The following NKAIN3 variants were observed in gnomAD, a reference collection of about 807,000 sequenced individuals.
NKAIN3 encodes the protein sodium/potassium transporting ATPase interacting 3, also known as sodium/potassium-transporting ATPase subunit beta-1-interacting protein 3.
Under a neutral mutation model 30.2 loss-of-function variants are expected in NKAIN3, and 25 were observed. The ratio of observed to expected loss-of-function variants is 0.83; its 90% CI spans 0.60 to 1.16. The LOEUF is 1.16. Ranked by LOEUF, NKAIN3 falls within the 50% of genes most tolerant of loss-of-function variation. NKAIN3 has a pLI of 0.00. For synonymous variants in NKAIN3, 91 were observed against 89.6 expected (o/e 1.02, Z -0.09); for missense variants, 225 against 254.1 (o/e 0.89, Z 0.78).
chr8:62,652,110 G>C (rs1812640063), intron 3 of NKAIN3, among the ~76,000 whole-genome samples: 1 of 152,020 alleles, frequency 6.6e-6, no homozygotes, highest in South Asian at 2.1e-4. Flanking sequence ...AAACCCATAG[G>C]GGGTCCATCT....
At chr8:62,897,022 AG>A (rs1821448354) in intron 4 of NKAIN3, among the ~76,000 whole-genome samples, 1 of 113,922 alleles carries the variant, frequency 8.8e-6, no homozygotes, top group African/African-American at 3.9e-5. Context: ...TTGTAAGATA[AG>A]GGAGAACTAC....
chr8:62,648,936 A>G (rs1812549153), intron 3 of NKAIN3, among the ~76,000 whole-genome samples: 1 of 152,070 alleles, frequency 6.6e-6, no homozygotes. Flanking sequence ...TGGCATCCGG[A>G]GCTGGAATTT....
In NKAIN3 at chr8:62,283,309, T is replaced by C. The variant is rs1813264863; in HGVS notation, c.54+34182T>C. On this transcript the variant is annotated intron_variant, in intron 1 of 6. Transcript: ENST00000623646. ...TTTTTTTTGAGTTTCTAAATATATT[T>C]GTGTCAATCCTGATGACAAACCCAT... is the stretch of plus-strand genomic sequence containing the variant. Among the ~76,000 whole-genome samples, 3 of 152,250 alleles carry C rather than the reference T, an allele frequency of 2.0e-5. No homozygotes were observed. In the South Asian group the frequency reaches 6.2e-4, roughly 32 times the overall value.
intron 1 of NKAIN3, among the ~76,000 whole-genome samples, chr8:62,265,161 C>G (rs1464563871): frequency 1.3e-5 from 2 of 152,104 alleles, no homozygotes; most frequent in Non-Finnish European, 2.9e-5. Flanking sequence ...CTGTCTACTG[C>G]CCAAATCATT....
intron 4 of NKAIN3, among the ~76,000 whole-genome samples, chr8:62,761,372 G>A (rs1816657530): frequency 6.6e-6 from 1 of 152,102 alleles, no homozygotes; most frequent in Non-Finnish European, 1.5e-5. Flanking sequence ...GGTCAGTTGT[G>A]CTCAGCTCAC....
intron 1 of NKAIN3, among the ~76,000 whole-genome samples, chr8:62,443,932 T>A (rs1805407028): frequency 6.6e-6 from 1 of 152,142 alleles, no homozygotes; most frequent in African/African-American, 2.4e-5. Context: ...ATTTCATTTA[T>A]ATAAAGCTCT....
chr8:62,761,818 T>A (rs17264551), intron 4 of NKAIN3, among the ~76,000 whole-genome samples: 1 of 152,182 alleles, frequency 6.6e-6, no homozygotes, highest in Non-Finnish European at 1.5e-5. Context: ...GCTTTTATGC[T>A]GCTTGCTAAT....
intron 4 of NKAIN3, among the ~76,000 whole-genome samples, chr8:62,846,507 T>C (rs1014096089): frequency 2.6e-5 from 4 of 152,014 alleles, no homozygotes; most frequent in African/African-American, 4.8e-5. Flanking sequence ...ACAGGTCCCA[T>C]GTATGTTATT....
At chr8:62,700,681 C>A (rs1383608199) in intron 3 of NKAIN3, among the ~76,000 whole-genome samples, 2 of 152,080 alleles carry the variant, frequency 1.3e-5, no homozygotes. Context: ...TGATTTGCAG[C>A]GAAGCTGTAT....
In NKAIN3 at chr8:62,564,408, G is replaced by A. The variant is rs146496848; in HGVS notation, c.55-15131G>A. On this transcript the variant is annotated intron_variant, in intron 1 of 6. Coordinates refer to ENST00000623646, the MANE Select transcript of NKAIN3 (RefSeq NM_001304533.3). ...GCAAGATCAAAACAGCTCCAAACCC[G>A]ACCAGGCATTTTTAAAGAATAATGC... 2.7e-3 allele frequency among the ~76,000 whole-genome samples: 413 copies of A among 152,094 alleles called. 2 individuals are homozygous for A. The highest frequency in any genetic ancestry group is 9.3e-3 in the African/African-American group (385 of 41,496).
At position 62,920,477 on chromosome 8, in the gene NKAIN3, T is replaced by C. The variant is rs143249871; in HGVS notation, c.532+1964T>C. On this transcript the variant is annotated intron_variant, in intron 5 of 6. Coordinates refer to ENST00000623646, the MANE Select transcript of NKAIN3 (RefSeq NM_001304533.3). ...AAGCTGGGAAATGCAAAATGGCATG[T>C]AAAATAAAAGACTCATCTAAATGGA... 2.1e-3 allele frequency among the ~76,000 whole-genome samples: 323 copies of C among 152,336 alleles called. 3 individuals carry two copies. The highest frequency in any genetic ancestry group is 6.8e-3 in the Middle Eastern group (2 of 294).
intron 1 of NKAIN3, among the ~76,000 whole-genome samples, chr8:62,560,531 CTTTTTTTTTTTT>C (rs869256384): frequency 8.8e-5 from 4 of 45,362 alleles, no homozygotes; most frequent in Non-Finnish European, 1.5e-4. Context: ...TTTTTCTTTT[CTTTTTTTTTTTT>C]TTTTTTTTTT....
intron 3 of NKAIN3, among the ~76,000 whole-genome samples, chr8:62,653,786 G>A (rs1463578087): frequency 1.3e-5 from 2 of 151,990 alleles, no homozygotes; most frequent in Non-Finnish European, 2.9e-5. Flanking sequence ...ACTGTGAGAG[G>A]GTGGAGTTTG....
intron 1 of NKAIN3, among the ~76,000 whole-genome samples, chr8:62,413,322 T>A (rs1563387670): frequency 6.6e-6 from 1 of 152,216 alleles, no homozygotes; most frequent in African/African-American, 2.4e-5. Context: ...TAAGCACACA[T>A]GTCTGGAGTG....
intron 1 of NKAIN3, among the ~76,000 whole-genome samples, chr8:62,272,866 A>G (rs562579184): frequency 6.6e-6 from 1 of 152,338 alleles, no homozygotes; most frequent in African/African-American, 2.4e-5. Flanking sequence ...TTGTTAGCTT[A>G]TTATCAACTA....
At chr8:62,319,671 G>A (rs189648143) in intron 1 of NKAIN3, among the ~76,000 whole-genome samples, 414 of 152,220 alleles carry the variant, frequency 2.7e-3, no homozygotes, top group African/African-American at 9.2e-3. Context: ...CTGAGTTCTA[G>A]TTTGATTGCA....
At chr8:62,504,034 C>A (rs902043847) in intron 1 of NKAIN3, among the ~76,000 whole-genome samples, 1 of 152,194 alleles carries the variant, frequency 6.6e-6, no homozygotes, top group African/African-American at 2.4e-5. Context: ...GAAATCTTCA[C>A]AATTTATATT....
At chr8:62,693,336 A>G (rs1259022070) in intron 3 of NKAIN3, among the ~76,000 whole-genome samples, 3 of 152,238 alleles carry the variant, frequency 2.0e-5, no homozygotes, top group Non-Finnish European at 4.4e-5. Flanking sequence ...TCATTACAAG[A>G]GGCAAGTGTG....
At chr8:62,640,382 A>G (rs1166787756) in intron 3 of NKAIN3, among the ~76,000 whole-genome samples, 2 of 152,036 alleles carry the variant, frequency 1.3e-5, no homozygotes, top group Admixed American at 1.3e-4. Context: ...GCCGCCATGT[A>G]AGACGTGTGT....
Sources: gnomAD v4.1 joint callset for allele counts (sites outside exome capture counted in the v4.1 genomes callset) on GRCh38, gnomAD v4.1.1 for gene constraint, MANE v1.5 for transcripts, NCBI Gene and HGNC (gene_info 2026-07-23, HGNC 2026-07-21) for gene names.